ASAP2: variants seen among roughly 807,000 people sequenced by gnomAD.
ASAP2 encodes ArfGAP with SH3 domain, ankyrin repeat and PH domain 2, also known as arf-GAP with SH3 domain, ANK repeat and PH domain-containing protein 2.
In ASAP2, 45 loss-of-function variants were observed where a neutral mutation model predicts 131.4. The observed-to-expected ratio is 0.34, with a 90% confidence interval of 0.27 to 0.44. The LOEUF is 0.44. Among genes scored for constraint, ASAP2 ranks in the 20% least tolerant of loss-of-function variants. The pLI is 1.00. For synonymous variants in ASAP2, 510 were observed against 503.0 expected (o/e 1.01, Z -0.19); for missense variants, 1,011 against 1,297.0 (o/e 0.78, Z 3.39).
At chr2:9,351,762 C>T (rs1344632924) in intron 12 of ASAP2, among the ~76,000 whole-genome samples, 1 of 152,132 alleles carries the variant, frequency 6.6e-6, no homozygotes, top group East Asian at 1.9e-4. Flanking sequence ...TTCAGCGCTC[C>T]CAGCAAACTG....
intron 15 of ASAP2, among the ~76,000 whole-genome samples, chr2:9,365,367 G>T (rs1673389736): frequency 1.3e-5 from 2 of 152,200 alleles, no homozygotes; most frequent in South Asian, 4.1e-4. Context: ...GAGCTCAGCG[G>T]TCAGGGAAGT....
chr2:9,310,319 C>T lies in ASAP2; in HGVS notation c.346-8205C>T, dbSNP rs575094865. 2.5e-4 allele frequency among the ~76,000 whole-genome samples: 38 copies of T among 152,330 alleles called. No individual in the cohort carries two copies. In the South Asian group the frequency reaches 7.9e-3, roughly 32 times the overall value. ...ATGCAGGCAAGCCTCAGGTAAGATCCTTTGGCCATATTGTATATTACATGG... is the reference window on the plus strand; with the variant it reads ...ATGCAGGCAAGCCTCAGGTAAGATCTTTTGGCCATATTGTATATTACATGG... On this transcript the variant is annotated intron_variant, in intron 3 of 27. Coordinates refer to ENST00000281419, the MANE Select transcript of ASAP2 (RefSeq NM_003887.3).
chr2:9,240,211 C>A (rs981395065), intron 1 of ASAP2, among the ~76,000 whole-genome samples: 1 of 150,622 alleles, frequency 6.6e-6, no homozygotes, highest in Admixed American at 6.6e-5. Flanking sequence ...TCAATCACGA[C>A]ATGTCTCTGT....
chr2:9,284,402 G>T (rs1181455280), intron 2 of ASAP2, among the ~76,000 whole-genome samples: 1 of 152,170 alleles, frequency 6.6e-6, no homozygotes, highest in Non-Finnish European at 1.5e-5. Flanking sequence ...AGAAGCCCTT[G>T]AGGTGAAAGA....
intron 1 of ASAP2, among the ~76,000 whole-genome samples, chr2:9,211,172 G>T (rs1047602915): frequency 1.4e-5 from 2 of 146,684 alleles, no homozygotes; most frequent in Non-Finnish European, 3.0e-5. Flanking sequence ...AAAAAAAAAA[G>T]TTTGTTGTCC....
intron 1 of ASAP2, among the ~76,000 whole-genome samples, chr2:9,227,767 G>T (rs1202230130): frequency 6.6e-6 from 1 of 152,196 alleles, no homozygotes; most frequent in Non-Finnish European, 1.5e-5. Flanking sequence ...GTGAGTACAC[G>T]TGCATATACA....
intron 1 of ASAP2, among the ~76,000 whole-genome samples, chr2:9,277,672 G>A (rs1464158813): frequency 6.6e-6 from 1 of 152,186 alleles, no homozygotes; most frequent in African/African-American, 2.4e-5. Flanking sequence ...CGCACTACAA[G>A]TGGTATGCTG....
chr2:9,246,904 G>A (rs1453475993), intron 1 of ASAP2, among the ~76,000 whole-genome samples: 2 of 152,078 alleles, frequency 1.3e-5, no homozygotes, highest in Non-Finnish European at 2.9e-5. Flanking sequence ...GCAGTGGCAT[G>A]ATCTTGGCTC....
rs1675568564 is a variant in ASAP2 at position 9,389,721 on chromosome 2, C to T, written c.2383+1175C>T. ...AAACCTGCTGAGAGCAGACCTTCCC[C>T]CAGGCAGGCCCAGAAGCCAGCTGCT... On this transcript the variant is annotated intron_variant, in intron 22 of 27. Coordinates refer to ENST00000281419, the MANE Select transcript of ASAP2 (RefSeq NM_003887.3). This position sits in a 1 kb window ranked among gnomAD's most constrained non-coding sequence, Gnocchi z 4.7. Among the ~76,000 whole-genome samples the T allele has an allele frequency of 2.0e-5, 3 of 152,212 alleles. No homozygotes were observed. Among genetic ancestry groups the T allele is most frequent in the Admixed American group, 2.0e-4 (3 of 15,288 alleles).
intron 24 of ASAP2, chr2:9,399,187 G>A (rs958242659): frequency 1.3e-5 from 2 of 152,236 alleles, no homozygotes; most frequent in African/African-American, 2.4e-5. Flanking sequence ...AGGGAGTGTC[G>A]ACAGACGGGA....
chr2:9,372,888 C>T (rs772808176), intron 16 of ASAP2, among the ~76,000 whole-genome samples: 15 of 152,100 alleles, frequency 9.9e-5, no homozygotes, highest in Non-Finnish European at 1.6e-4. Flanking sequence ...TGGGGGAAAC[C>T]GGAGTGCCCA....
At chr2:9,373,332 C>T (rs945379457) in intron 16 of ASAP2, among the ~76,000 whole-genome samples, 1 of 152,248 alleles carries the variant, frequency 6.6e-6, no homozygotes, top group Admixed American at 6.5e-5. Flanking sequence ...TCTCCAGCTG[C>T]ACCAGCCAGC....
At chr2:9,309,340 T>C (rs1329715572) in intron 3 of ASAP2, among the ~76,000 whole-genome samples, 3 of 152,162 alleles carry the variant, frequency 2.0e-5, no homozygotes, top group Non-Finnish European at 4.4e-5. Context: ...AATCGCACAG[T>C]CATGCGCAGT....
rs528859456 is a variant in ASAP2 at position 9,317,697 on chromosome 2, C to G, written c.346-827C>G. ...CCATAATCACATCCTGAAACCCTCA[C>G]ACGCCCACACACACCCATACACAAT... On this transcript the variant is annotated intron_variant, in intron 3 of 27. Coordinates refer to ENST00000281419, the MANE Select transcript of ASAP2 (RefSeq NM_003887.3). 8.1e-4 allele frequency among the ~76,000 whole-genome samples: 122 copies of G among 151,532 alleles called. No individual in the cohort carries two copies. The Middle Eastern group carries it at 0.01, about 13-fold the overall frequency.
At chr2:9,240,982 C>T (rs910238307) in intron 1 of ASAP2, among the ~76,000 whole-genome samples, 2 of 152,168 alleles carry the variant, frequency 1.3e-5, no homozygotes, top group African/African-American at 2.4e-5. Context: ...TCACGTCCCG[C>T]GTGGGAGGCA....
chr2:9,277,792 G>A (rs537739821), intron 1 of ASAP2, among the ~76,000 whole-genome samples: 3 of 152,248 alleles, frequency 2.0e-5, no homozygotes, highest in Non-Finnish European at 4.4e-5. Context: ...ATAATGACAT[G>A]ATTATAACTT....
intron 1 of ASAP2, among the ~76,000 whole-genome samples, chr2:9,224,993 G>A (rs1248828346): frequency 1.3e-5 from 2 of 152,214 alleles, no homozygotes; most frequent in South Asian, 2.1e-4. Context: ...GTCAAGGTGC[G>A]TAAGTTGGAA....
intron 1 of ASAP2, among the ~76,000 whole-genome samples, chr2:9,214,665 A>G (rs922532968): frequency 1.3e-5 from 2 of 152,074 alleles, no homozygotes; most frequent in Non-Finnish European, 2.9e-5. Flanking sequence ...ATTTCTATGA[A>G]GGGATTTGAC....
chr2:9,345,322 A>T (rs1671892111), intron 11 of ASAP2, among the ~76,000 whole-genome samples: 1 of 152,180 alleles, frequency 6.6e-6, no homozygotes, highest in African/African-American at 2.4e-5. Flanking sequence ...CCCAACTTTA[A>T]GGCCTCTTTC....
Sources: gnomAD v4.1 joint callset for allele counts (sites outside exome capture counted in the v4.1 genomes callset) on GRCh38, gnomAD v4.1.1 for gene constraint, Gnocchi (gnomAD v3.1) non-coding constraint, MANE v1.5 for transcripts, NCBI Gene and HGNC (gene_info 2026-07-23, HGNC 2026-07-21) for gene names.